RNF213: variants seen among roughly 807,000 people sequenced by gnomAD.
RNF213 encodes E3 ubiquitin-protein ligase RNF213.
Under a neutral mutation model 514.4 loss-of-function variants are expected in RNF213, and 341 were observed. The observed-to-expected ratio is 0.66, with a 90% CI of 0.61 to 0.73. The LOEUF (loss-of-function observed/expected upper bound fraction) is 0.73. Ranked by LOEUF, RNF213 falls within the 30% of genes least tolerant of loss-of-function variation. The probability of loss-of-function intolerance (pLI) is 0.00; values close to 1 mark genes in which losing one functional copy is unlikely to be tolerated. For synonymous variants in RNF213, 2,655 were observed against 2,658.2 expected, an observed-to-expected ratio of 1.00 and a Z score of 0.04; for missense variants, 5,767 against 6,615.6, an observed-to-expected ratio of 0.87 and a Z score of 4.45.
In RNF213 at chr17:80,290,770, G is replaced by T. The variant is rs370264898; in HGVS notation, c.1271+42G>T. The T allele has an allele frequency of 7.4e-6, 12 of 1,611,264 alleles. No individual in the cohort carries two copies. The African/African-American group carries it at 1.2e-4, about 16-fold the overall frequency. On this transcript the variant is annotated intron_variant, in intron 7 of 67. Coordinates refer to ENST00000582970, the MANE Select transcript of RNF213 (RefSeq NM_001256071.3). ...GCTTGGGAGGAATCCCTCAGGGAAG[G>T]CATAGGATGCCCAGCCTGTGACACG... is the stretch of plus-strand genomic sequence containing the variant.
chr17:80,363,516 G>C (rs2079131665), intron 40 of RNF213, 93 bp from the exon 41 acceptor site: 1 of 1,451,804 alleles, frequency 6.9e-7, no homozygotes. Context: ...CGCAAGCCTG[G>C]GACACAAGTA....
chr17:80,358,206 AAGG>A, intron 36 of RNF213, 79 bp from the exon 37 acceptor site: 1 of 1,223,948 alleles, frequency 8.2e-7, no homozygotes, highest in Non-Finnish European at 1.2e-6. Context: ...AATGCTCAAG[AAGG>A]AACAAAATGT....
intron 20 of RNF213, among the ~76,000 whole-genome samples, chr17:80,331,371 T>A (rs926647890): frequency 1.3e-5 from 2 of 150,526 alleles, no homozygotes; most frequent in African/African-American, 4.9e-5. Flanking sequence ...TTCCTCCTCC[T>A]GTCCTTGTCA....
chr17:80,373,248 C>A, intron 49 of RNF213, 83 bp downstream of exon 49: 1 of 1,111,360 alleles, frequency 9.0e-7, no homozygotes, highest in South Asian at 1.4e-5. Context: ...CCTACCCTCA[C>A]ACCCTACCCC....
At chr17:80,278,063 C>G (rs2044133217) in intron 3 of RNF213, among the ~76,000 whole-genome samples, 1 of 152,360 alleles carries the variant, frequency 6.6e-6, no homozygotes, top group African/African-American at 2.4e-5. Flanking sequence ...TGCATTCTTC[C>G]TCTGGAGAGG....
chr17:80,308,391 C>T (rs956764099), intron 13 of RNF213, among the ~76,000 whole-genome samples: 7 of 152,076 alleles, frequency 4.6e-5, no homozygotes, highest in Non-Finnish European at 7.4e-5. Flanking sequence ...TAAGTGTCCT[C>T]TTAAGTCTCT....
At chr17:80,380,665 A>G (rs753463982) in intron 55 of RNF213, among the ~76,000 whole-genome samples, 166 bp from the exon 56 acceptor site, 9 of 152,214 alleles carry the variant, frequency 5.9e-5, no homozygotes, top group Admixed American at 1.3e-4. Flanking sequence ...AGGCGAGTCT[A>G]TCATGAGAGA....
At chr17:80,277,085 C>T (rs2044089301) in intron 3 of RNF213, among the ~76,000 whole-genome samples, 1 of 150,448 alleles carries the variant, frequency 6.6e-6, no homozygotes, top group Admixed American at 6.6e-5. Context: ...AAAAAAAAAA[C>T]AAAAAAAGAA....
At chr17:80,290,228 C>A (rs915132351) in intron 6 of RNF213, among the ~76,000 whole-genome samples, 9 of 152,212 alleles carry the variant, frequency 5.9e-5, no homozygotes, top group African/African-American at 1.7e-4. Flanking sequence ...CACACGTGGA[C>A]GTGCTTGCAT....
chr17:80,334,919 C>A (rs1169995611), intron 22 of RNF213, among the ~76,000 whole-genome samples: 1 of 146,810 alleles, frequency 6.8e-6, no homozygotes, highest in African/African-American at 2.5e-5. Flanking sequence ...AGCCACTGCA[C>A]CTGGCCTTTT....
At chr17:80,284,411 G>T (rs1005302554) in intron 3 of RNF213, among the ~76,000 whole-genome samples, 1 of 152,012 alleles carries the variant, frequency 6.6e-6, no homozygotes. Context: ...GGGCGTGGTG[G>T]CATGTGCCTG....
chr17:80,328,614 G>A, intron 20 of RNF213, 137 bp downstream of exon 20: 1 of 762,278 alleles, frequency 1.3e-6, no homozygotes, highest in Non-Finnish European at 2.0e-6. Flanking sequence ...GCATTTGCTG[G>A]GGGGATCGCT....
At chr17:80,278,235 G>A (rs1451426339) in intron 3 of RNF213, among the ~76,000 whole-genome samples, 3 of 150,162 alleles carry the variant, frequency 2.0e-5, no homozygotes, top group Non-Finnish European at 4.4e-5. Flanking sequence ...AGGTCTCCCG[G>A]CGATGCCCGG....
Position 80,345,785 on chromosome 17 carries a change from T to C in RNF213, c.7450T>C (p.Leu2484=), listed in dbSNP as rs943884673. The C allele has an allele frequency of 2.5e-6, 4 of 1,614,206 alleles. No individual in the cohort carries two copies. The highest frequency in any genetic ancestry group is 3.4e-6 in the Non-Finnish European group (4 of 1,180,048). ...GGACCAACATCAGTTGGACACCATC[T>C]TGTTTTTTGATGAAGCCAACACAAC... ...NKDQHQLDTI[L]FFDEANTTEA... is the part of the protein sequence containing the mutation. Residue 2484 remains leucine, a synonymous_variant, in exon 29 of 68, where the codon TTG becomes CTG. Transcript: ENST00000582970. This position sits in a 1 kb window ranked among gnomAD's most constrained non-coding sequence, Gnocchi z 6.0.
chr17:80,339,244 T>C lies in RNF213; in HGVS notation c.4877T>C (p.Leu1626Pro). 3 of 1,514,532 alleles carry C rather than the reference T, an allele frequency of 2.0e-6. No homozygotes were observed. Among genetic ancestry groups the C allele is most frequent in the Non-Finnish European group, 2.6e-6 (3 of 1,133,338 alleles). 93.8% of individuals were successfully genotyped at this position (1,514,532 alleles called of 1,614,324 possible). ...AGGCTCAGCCAGGCCTTCATCGACC[T>C]GCACTCTGCTGGGAATATGCTGTTC... ...VQRLSQAFIDLHSAGNMLFRT... is the reference protein window; with the variant it reads ...VQRLSQAFIDPHSAGNMLFRT... The change falls in exon 26 of 68, where the codon CTG (leucine) becomes CCG (proline). Residue 1626 changes from leucine to proline, a missense_variant. Transcript: ENST00000582970.
Position 80,317,550 on chromosome 17 carries a change from C to A in RNF213, c.2901+273C>A, listed in dbSNP as rs550643295. 6.6e-6 allele frequency among the ~76,000 whole-genome samples: 1 copy of A among 152,130 alleles called. No homozygotes were observed. Among genetic ancestry groups the A allele is most frequent in the Non-Finnish European group, 1.5e-5 (1 of 68,034 alleles). On this transcript the variant is annotated intron_variant, in intron 16 of 67. Coordinates refer to ENST00000582970, the MANE Select transcript of RNF213 (RefSeq NM_001256071.3). The surrounding 1 kb of genome is among the most constrained non-coding windows in gnomAD (Gnocchi z 4.1). ...TTTCCTGACCCCTTCGTTGGACTTG[C>A]GACAGGGATGCTGTGTTTACTTGGC... is the stretch of plus-strand genomic sequence containing the variant.
intron 15 of RNF213, among the ~76,000 whole-genome samples, chr17:80,313,640 GATGGTGATGGTT>G (rs1300138609): frequency 2.4e-3 from 351 of 147,584 alleles, no homozygotes; most frequent in Middle Eastern, 3.4e-3. Context: ...TGATGGTGGT[GATGGTGATGGTT>G]GTGGAGGTGA....
chr17:80,333,705 A>C (rs2077902638), intron 21 of RNF213: 9 of 168,866 alleles, frequency 5.3e-5, no homozygotes, highest in Admixed American at 1.8e-4. Flanking sequence ...AAAAAAAAAA[A>C]CCAAAAAAAA....
intron 14 of RNF213, among the ~76,000 whole-genome samples, chr17:80,310,796 C>A (rs960240358): frequency 2.0e-5 from 3 of 152,334 alleles, no homozygotes; most frequent in East Asian, 3.8e-4. Flanking sequence ...AGGTGATTCG[C>A]CTGCCTCAGC....
Sources: allele counts gnomAD v4.1 joint callset (sites outside exome capture counted in the v4.1 genomes callset), GRCh38; gene constraint gnomAD v4.1.1; non-coding constraint Gnocchi (gnomAD v3.1); transcripts MANE v1.5; gene names NCBI Gene and HGNC (gene_info 2026-07-23, HGNC 2026-07-21).